ADAM12: variants seen among roughly 807,000 people sequenced by gnomAD.
ADAM12 encodes ADAM metallopeptidase domain 12, also known as disintegrin and metalloproteinase domain-containing protein 12.
A neutral mutation model predicts 106.4 loss-of-function variants in ADAM12; 70 were observed. The ratio of observed to expected loss-of-function variants is 0.66; its 90% CI spans 0.54 to 0.80. The LOEUF (loss-of-function observed/expected upper bound fraction) is 0.80. ADAM12 is among the 30% of genes least tolerant of loss of function. The pLI, the probability that ADAM12 is intolerant of heterozygous loss-of-function variation, is 0.00. For missense variants in ADAM12, 1,010 were observed against 1,171.9 expected, an observed-to-expected ratio of 0.86 and a Z score of 2.02; for synonymous variants, 420 against 433.5, an observed-to-expected ratio of 0.97 and a Z score of 0.39.
chr10:126,368,147 G>T (rs1410576095), intron 1 of ADAM12, among the ~76,000 whole-genome samples: 1 of 151,818 alleles, frequency 6.6e-6, no homozygotes, highest in Non-Finnish European at 1.5e-5. Context: ...ATGTGTGTAT[G>T]TGTATATATA....
chr10:126,281,541 C>A (rs1959581017), intron 2 of ADAM12, among the ~76,000 whole-genome samples: 1 of 152,132 alleles, frequency 6.6e-6, no homozygotes, highest in Non-Finnish European at 1.5e-5. Flanking sequence ...CAGGGAAGAT[C>A]TTTATGTACA....
intron 3 of ADAM12, among the ~76,000 whole-genome samples, chr10:126,265,071 G>C (rs1235562050): frequency 6.6e-6 from 1 of 152,178 alleles, no homozygotes; most frequent in African/African-American, 2.4e-5. Flanking sequence ...CAGAGTATAA[G>C]AAGCTACTCC....
chr10:126,269,272 A>G (rs1959160856), intron 3 of ADAM12, among the ~76,000 whole-genome samples: 1 of 152,280 alleles, frequency 6.6e-6, no homozygotes, highest in Non-Finnish European at 1.5e-5. Context: ...ATTTTGTGCC[A>G]ACATCCTTCT....
chr10:126,024,564 C>T (rs899380580), intron 21 of ADAM12, among the ~76,000 whole-genome samples: 3 of 152,104 alleles, frequency 2.0e-5, no homozygotes, highest in African/African-American at 7.2e-5. Context: ...TTTCATGTAA[C>T]TGTCACAAAG....
chr10:126,380,383 T>C (rs2133934487), intron 1 of ADAM12, among the ~76,000 whole-genome samples: 1 of 152,378 alleles, frequency 6.6e-6, no homozygotes, highest in Admixed American at 6.5e-5. Context: ...AGATAGGTTA[T>C]GAACTGTTTG....
chr10:126,266,650 A>G (rs1959103214), intron 3 of ADAM12, among the ~76,000 whole-genome samples: 1 of 152,166 alleles, frequency 6.6e-6, no homozygotes. Flanking sequence ...AGAAGAAAAG[A>G]GGTTTAATTG....
intron 3 of ADAM12, among the ~76,000 whole-genome samples, chr10:126,223,060 C>T (rs931229386): frequency 6.6e-6 from 1 of 152,200 alleles, no homozygotes; most frequent in African/African-American, 2.4e-5. Context: ...ACTGAAAATG[C>T]TTTATTCAAA....
intron 3 of ADAM12, among the ~76,000 whole-genome samples, chr10:126,246,872 T>C (rs1958640427): frequency 6.6e-6 from 1 of 152,140 alleles, no homozygotes; most frequent in Non-Finnish European, 1.5e-5. Flanking sequence ...GTATTGGAAG[T>C]TCTGGGCAGG....
chr10:126,146,333 C>T (rs1053268214), intron 4 of ADAM12, among the ~76,000 whole-genome samples: 1 of 152,164 alleles, frequency 6.6e-6, no homozygotes, highest in Non-Finnish European at 1.5e-5. Flanking sequence ...AGTACAGCAA[C>T]AGCAGGGAAA....
chr10:126,246,541 C>G (rs1185793709), intron 3 of ADAM12, among the ~76,000 whole-genome samples: 2 of 152,216 alleles, frequency 1.3e-5, no homozygotes, highest in Non-Finnish European at 2.9e-5. Flanking sequence ...CCACCACAAT[C>G]AAGTAGGCTT....
chr10:126,144,701 T>A (rs2133699187), intron 4 of ADAM12, among the ~76,000 whole-genome samples: 1 of 152,280 alleles, frequency 6.6e-6, no homozygotes. Flanking sequence ...ACAACTCAGT[T>A]ATCAGCCGCA....
intron 3 of ADAM12, among the ~76,000 whole-genome samples, chr10:126,226,211 T>TGGGGGGGGGGGGGGGGGGGGG: frequency 1.8e-5 from 1 of 56,626 alleles, no homozygotes; most frequent in Non-Finnish European, 3.7e-5. Flanking sequence ...GCGGGGGGAG[T>TGGGGGGGGGGGGGGGGGGGGG]GGGGTGGGAG....
At chr10:126,159,252 G>A (rs1455055002) in intron 3 of ADAM12, among the ~76,000 whole-genome samples, 2 of 140,988 alleles carry the variant, frequency 1.4e-5, no homozygotes, top group Non-Finnish European at 3.0e-5. Context: ...AGAGCTTGCA[G>A]TGAGCCGAGA....
intron 3 of ADAM12, among the ~76,000 whole-genome samples, chr10:126,222,509 C>A (rs1958113773): frequency 6.6e-6 from 1 of 151,012 alleles, no homozygotes; most frequent in Non-Finnish European, 1.5e-5. Flanking sequence ...TACCAGATAT[C>A]ATCTCTTCTT....
At chr10:126,188,682 C>A (rs1957443094) in intron 3 of ADAM12, among the ~76,000 whole-genome samples, 1 of 152,032 alleles carries the variant, frequency 6.6e-6, no homozygotes, top group Admixed American at 6.6e-5. Flanking sequence ...CTTTGTACGC[C>A]CTTTAATCCC....
chr10:126,223,447 A>C (rs1464542644), intron 3 of ADAM12, among the ~76,000 whole-genome samples: 2 of 152,222 alleles, frequency 1.3e-5, no homozygotes, highest in Non-Finnish European at 2.9e-5. Context: ...CATAACACAC[A>C]CAATAAAATG....
In ADAM12 at chr10:126,019,719, GT is replaced by G. The variant is rs752707322; in HGVS notation, c.2635del (p.Thr879LeufsTer57). On this transcript the variant is annotated frameshift_variant, in exon 22 of 23. Coordinates refer to ENST00000448723, the MANE Select transcript of ADAM12 (RefSeq NM_001288973.2). LOFTEE classifies it low-confidence loss of function (END_TRUNC). ...ALARTPGQWE[T>X]GLRLAPLRPA... ...CCTGAGGGGTGCCAGGCGGAGCCCA[GT>G]CTCCCATTGTCCTGGGGTCCTGGCC... 6.2e-7 allele frequency: 1 copy of G among 1,614,032 alleles called. No homozygotes were observed.
At chr10:126,165,437 G>T (rs1040614731) in intron 3 of ADAM12, among the ~76,000 whole-genome samples, 1 of 152,230 alleles carries the variant, frequency 6.6e-6, no homozygotes, top group Non-Finnish European at 1.5e-5. Context: ...GATTACAGGC[G>T]TGAGCCACGG....
chr10:126,189,572 T>C (rs572566379), intron 3 of ADAM12, among the ~76,000 whole-genome samples: 2 of 152,208 alleles, frequency 1.3e-5, no homozygotes. Context: ...GTGCTAAACA[T>C]GCATTGCCAT....
Sources: allele counts gnomAD v4.1 joint callset (sites outside exome capture counted in the v4.1 genomes callset), GRCh38; gene constraint gnomAD v4.1.1; transcripts MANE v1.5; gene names NCBI Gene and HGNC (gene_info 2026-07-23, HGNC 2026-07-21).